The following STARD9 variants were observed in gnomAD, a reference collection of about 807,000 sequenced individuals.
The protein encoded by STARD9 is StAR related lipid transfer domain containing 9, also known as stAR-related lipid transfer protein 9.
In STARD9, 346 loss-of-function variants were observed where a neutral mutation model predicts 399.8. That is an observed-to-expected ratio of 0.87 (90% CI 0.79 to 0.95). The LOEUF is 0.95. Among genes scored for constraint, STARD9 ranks in the 40% least tolerant of loss-of-function variants. STARD9 has a pLI of 0.00. For missense variants in STARD9, 5,832 were observed against 5,667.5 expected (o/e 1.03, Z -0.93); for synonymous variants, 2,203 against 2,143.5 (o/e 1.03, Z -0.77).
chr15:42,673,326 T>C (rs1350645629), intron 16 of STARD9, among the ~76,000 whole-genome samples: 2 of 152,090 alleles, frequency 1.3e-5, no homozygotes, highest in Admixed American at 1.3e-4. Context: ...TGCTTGAACC[T>C]GGGAGGCGAA....
At chr15:42,667,289 A>G (rs952206758) in intron 15 of STARD9, among the ~76,000 whole-genome samples, 3 of 151,690 alleles carry the variant, frequency 2.0e-5, no homozygotes, top group Admixed American at 2.0e-4. Context: ...GGTTCAAGCA[A>G]TTCTCCTGCC....
At position 42,688,080 on chromosome 15, in the gene STARD9, A is replaced by G. The variant is rs772774346; in HGVS notation, c.6502A>G (p.Thr2168Ala). The change falls in exon 23 of 33, where the codon ACC becomes GCC. Residue 2168 changes from threonine (T) to alanine (A), a missense_variant. Coordinates refer to ENST00000290607, the MANE Select transcript of STARD9 (RefSeq NM_020759.3). Reference sequence around the variant, plus strand: ...AGAGAGTGAACCTGTGAGAGAGCACACCCACCCAGCTGGATCGGACAGACC... The same window carrying G: ...AGAGAGTGAACCTGTGAGAGAGCACGCCCACCCAGCTGGATCGGACAGACC... Reference protein sequence around the residue: ...VRESEPVREHTHPAGSDRPAR... With the variant: ...VRESEPVREHAHPAGSDRPAR... 5.9e-6 allele frequency: 9 copies of G among 1,537,222 alleles called. No homozygotes were observed. The Middle Eastern group carries it at 5.0e-4, about 85-fold the overall frequency.
At chr15:42,593,854 G>C (rs905565295) in intron 3 of STARD9, among the ~76,000 whole-genome samples, 1 of 151,616 alleles carries the variant, frequency 6.6e-6, no homozygotes. Flanking sequence ...ATTTTTAGTA[G>C]AGACGGGGTT....
rs988677928 is a variant in STARD9, at chr15:42,692,900, A to C, written c.11322A>C (p.Glu3774Asp). 2.6e-6 allele frequency: 4 copies of C among 1,537,166 alleles called. No homozygotes were observed. Among genetic ancestry groups the C allele is most frequent in the Non-Finnish European group, 3.5e-6 (4 of 1,146,924 alleles). Residue 3774 changes from glutamate to aspartate, a missense_variant, in exon 23 of 33, where the codon GAA (glutamate) becomes GAC (aspartate). This residue lies in a region of STARD9 where 5,828 missense variants were observed against 5,651.1 expected (regional missense o/e 1.03). Transcript: ENST00000290607. ...LGSDTSTVSQ[E>D]EGDVPGVPQK... ...CAGATACCTCGACTGTGTCTCAAGA[A>C]GAGGGAGATGTGCCAGGGGTACCTC...
At chr15:42,669,125 G>T (rs1430136548) in intron 15 of STARD9, 33 bp from the exon 16 acceptor site, 3 of 1,499,112 alleles carry the variant, frequency 2.0e-6, no homozygotes, top group African/African-American at 2.8e-5. Context: ...TCCCCATGCT[G>T]AGTGTCTCAG....
chr15:42,640,033 C>T (rs1045907673), intron 7 of STARD9, among the ~76,000 whole-genome samples: 7 of 152,132 alleles, frequency 4.6e-5, no homozygotes, highest in South Asian at 2.1e-4. Context: ...GTGATCCTTC[C>T]GCCCCAGTCT....
rs1162599507 is a variant in STARD9 at position 42,685,791 on chromosome 15, C to T, written c.4213C>T (p.Leu1405Phe). 1 of 1,537,296 alleles carries T rather than the reference C, an allele frequency of 6.5e-7. No individual in the cohort carries two copies. Among genetic ancestry groups the T allele is most frequent in the Non-Finnish European group, 8.7e-7 (1 of 1,146,954 alleles). ...SSKLHQGSTE[L>F]LCSARDEHTA... Reference sequence around the variant, plus strand: ...CAAACTGCACCAAGGCAGTACTGAGCTCCTCTGCAGTGCAAGAGATGAGCA... The same window carrying T: ...CAAACTGCACCAAGGCAGTACTGAGTTCCTCTGCAGTGCAAGAGATGAGCA... The change falls in exon 23 of 33, where the codon CTC (leucine) becomes TTC (phenylalanine). Residue 1405 changes from leucine (L) to phenylalanine (F), a missense_variant. Physicochemically the swap from Leu to Phe is conservative, Grantham distance 22. Around this residue, in one of 2 missense-constraint regions of STARD9, gnomAD observed 5,828 missense variants for 5,651.1 expected, o/e 1.03. Coordinates refer to ENST00000290607, the MANE Select transcript of STARD9 (RefSeq NM_020759.3).
intron 26 of STARD9, among the ~76,000 whole-genome samples, chr15:42,699,392 C>CTTTTCTTTTTTTTTTTTTT (rs1359323091): frequency 1.8e-5 from 2 of 113,280 alleles, no homozygotes; most frequent in African/African-American, 8.2e-5. Context: ...TTTTTCTTTT[C>CTTTTCTTTTTTTTTTTTTT]TTTTTTTTTT....
chr15:42,602,768 G>A (rs79704189), intron 3 of STARD9, among the ~76,000 whole-genome samples: 1 of 152,204 alleles, frequency 6.6e-6, no homozygotes, highest in East Asian at 1.9e-4. Context: ...CCAGCAATCA[G>A]CCTGATTGGT....
rs558106156 is a variant in STARD9 at position 42,717,136 on chromosome 15, G to A, written c.13494+88G>A. 2.0e-4 allele frequency: 283 copies of A among 1,443,006 alleles called. 5 individuals are homozygous for A. In the South Asian group the frequency reaches 3.5e-3, roughly 18 times the overall value. The allele number at this position is 1,443,006 out of a possible 1,614,324, so 89.4% of individuals were successfully genotyped here. ...GAAGAGAAAGTAGGAAAAAAGCTGG[G>A]CAGATGAGGAGCCCAAGGCTTGTGG... On this transcript the variant is annotated intron_variant, in intron 28 of 32. Coordinates refer to ENST00000290607, the MANE Select transcript of STARD9 (RefSeq NM_020759.3).
chr15:42,615,335 T>C (rs2058940973), intron 3 of STARD9, among the ~76,000 whole-genome samples: 1 of 152,032 alleles, frequency 6.6e-6, no homozygotes, highest in Admixed American at 6.6e-5. Context: ...ACTGGAAACA[T>C]TGTTAGTAAG....
chr15:42,595,427 C>T (rs1234997715), intron 3 of STARD9, among the ~76,000 whole-genome samples: 1 of 152,162 alleles, frequency 6.6e-6, no homozygotes, highest in African/African-American at 2.4e-5. Context: ...TCCTGTATTT[C>T]CAGTGCTGCA....
intron 20 of STARD9, among the ~76,000 whole-genome samples, chr15:42,680,679 G>T (rs530380384): frequency 6.6e-6 from 1 of 152,026 alleles, no homozygotes; most frequent in African/African-American, 2.4e-5. Context: ...ATCAACTTAC[G>T]GCTAATCTTA....
In STARD9 at chr15:42,693,981, G is replaced by A. The variant is rs377048532; in HGVS notation, c.12403G>A (p.Asp4135Asn). 6.6e-7 allele frequency: 1 copy of A among 1,509,732 alleles called. No individual in the cohort carries two copies. The highest frequency in any genetic ancestry group is 2.5e-5 in the East Asian group (1 of 40,620). 93.5% of individuals were successfully genotyped at this position (1,509,732 alleles called of 1,614,324 possible). Residue 4135 changes from aspartate to asparagine, a missense_variant, in exon 23 of 33, where the codon GAC becomes AAC. By Grantham distance (23) the Asp-to-Asn change is conservative. This residue lies in a region of STARD9 where 5,828 missense variants were observed against 5,651.1 expected (regional missense o/e 1.03). Coordinates refer to ENST00000290607, the MANE Select transcript of STARD9 (RefSeq NM_020759.3). ...APEHQHHSLR[D>N]LPVHNKFSNW... ...TGAGCACCAGCACCACAGTCTGAGGGACCTCCCGGTGCATAACAAATTTAG... is the reference window on the plus strand; with the variant it reads ...TGAGCACCAGCACCACAGTCTGAGGAACCTCCCGGTGCATAACAAATTTAG...
At chr15:42,658,259 C>T (rs571579804) in intron 9 of STARD9, among the ~76,000 whole-genome samples, 1 of 151,556 alleles carries the variant, frequency 6.6e-6, no homozygotes, top group African/African-American at 2.4e-5. Context: ...ATCCTCCCAC[C>T]TCAGCCTCCC....
chr15:42,658,249 A>T (rs955362899), intron 9 of STARD9, among the ~76,000 whole-genome samples: 2 of 151,176 alleles, frequency 1.3e-5, no homozygotes, highest in Admixed American at 1.3e-4. Flanking sequence ...GGCTCAAGTG[A>T]TCCTCCCACC....
At chr15:42,711,458 A>T (rs57258642) in intron 26 of STARD9, among the ~76,000 whole-genome samples, 6,469 of 152,270 alleles carry the variant, frequency 0.042, 447 homozygotes, top group African/African-American at 0.15. Flanking sequence ...GCCTTCTTAT[A>T]AGGACATTAG....
At chr15:42,718,318 T>TGAGG in intron 30 of STARD9, 117 bp from the exon 31 acceptor site, 6 of 1,198,956 alleles carry the variant, frequency 5.0e-6, no homozygotes, top group Non-Finnish European at 7.1e-6. Flanking sequence ...TTGCTCAGCC[T>TGAGG]AGGTTGAGCT....
rs1208800295 is a variant in STARD9 at position 42,706,453 on chromosome 15, AT to A, written c.13285-10209del. Among the ~76,000 whole-genome samples, 558 of 141,210 alleles carry A rather than the reference AT, an allele frequency of 4.0e-3. 1 individual carries two copies. The highest frequency in any genetic ancestry group is 0.011 in the Middle Eastern group (3 of 274). The allele number at this position is 141,210 out of a possible 152,430, so 92.6% of individuals were successfully genotyped here. A position where few individuals can be genotyped will look rare whatever the true frequency, so the allele number is the denominator to read the frequency against. ...GCTGCTAATACATGTACCTATCTTA[AT>A]TTTTTTTTTTTTTTGAGACAGTGTC... On this transcript the variant is annotated intron_variant, in intron 26 of 32. Transcript: ENST00000290607.
Sources: allele counts gnomAD v4.1 joint callset (sites outside exome capture counted in the v4.1 genomes callset), GRCh38; gene constraint gnomAD v4.1.1; regional missense constraint gnomAD v4.1.1; transcripts MANE v1.5; gene names NCBI Gene and HGNC (gene_info 2026-07-23, HGNC 2026-07-21).